The following RYR2 variants were observed in gnomAD, a reference collection of about 807,000 sequenced individuals.
The protein encoded by RYR2 is cardiac muscle ryanodine receptor-calcium release channel.
In RYR2, 227 loss-of-function variants were observed where a neutral mutation model predicts 601.1. The ratio of observed to expected loss-of-function variants is 0.38; its 90% CI spans 0.34 to 0.42. The LOEUF (loss-of-function observed/expected upper bound fraction) is 0.42. Ranked by LOEUF, RYR2 falls within the 10% of genes least tolerant of loss-of-function variation. RYR2 has a pLI of 1.00. For missense variants in RYR2, 4,646 were observed against 6,156.5 expected, an observed-to-expected ratio of 0.75 and a Z score of 8.21; for synonymous variants, 2,223 against 2,175.1, an observed-to-expected ratio of 1.02 and a Z score of -0.61.
At chr1:237,527,270 C>T (rs986234333) in intron 24 of RYR2, among the ~76,000 whole-genome samples, 2 of 152,148 alleles carry the variant, frequency 1.3e-5, no homozygotes, top group Non-Finnish European at 2.9e-5. Flanking sequence ...ATTGCCTTGG[C>T]TATTCGGACT....
chr1:237,269,042 C>CTTTTTTT (rs200563683), intron 1 of RYR2, among the ~76,000 whole-genome samples: 3,260 of 113,068 alleles, frequency 0.029, 492 homozygotes, highest in African/African-American at 0.087. Flanking sequence ...ATAGCATATT[C>CTTTTTTT]TTTTTTTTTT....
chr1:237,410,774 A>G (rs1227666703), intron 10 of RYR2, among the ~76,000 whole-genome samples: 2 of 152,142 alleles, frequency 1.3e-5, no homozygotes, highest in Non-Finnish European at 1.5e-5. Context: ...AGTTCTCGAG[A>G]CAGTGGATCC....
At chr1:237,750,123 G>T (rs1166855174) in intron 80 of RYR2, among the ~76,000 whole-genome samples, 1 of 152,142 alleles carries the variant, frequency 6.6e-6, no homozygotes, top group African/African-American at 2.4e-5. Context: ...TCCAGGCTGG[G>T]CAGCAGAGTG....
rs1681758408 is a variant in RYR2, at chr1:237,643,288, TCA to T, written c.7222-36_7222-35del. On this transcript the variant is annotated intron_variant, in intron 47 of 104. Transcript: ENST00000366574. The stretch of plus-strand genomic sequence containing the variant: ...CCTAGACAGAATTGTAACATTGATG[TCA>T]CAAAGTTGTTCTAATGTTTTTTTTT... 3.1e-6 allele frequency: 5 copies of T among 1,602,004 alleles called. No homozygotes were observed. In the East Asian group the frequency reaches 9.0e-5, roughly 29 times the overall value.
chr1:237,698,720 T>C (rs768460323), intron 63 of RYR2, among the ~76,000 whole-genome samples: 58 of 152,184 alleles, frequency 3.8e-4, no homozygotes, highest in Non-Finnish European at 7.1e-4. Context: ...TCTGGTGCAG[T>C]GCTTTTGAAT....
In RYR2 at chr1:237,548,508, T is replaced by C. The variant is rs1009381849; in HGVS notation, c.2984T>C (p.Met995Thr). Reference sequence around the variant, plus strand: ...AAACTCACCCCATCACAAGAAGCAATGGTGGACAAGTTGGCAGAAAATGCA... The same window carrying C: ...AAACTCACCCCATCACAAGAAGCAACGGTGGACAAGTTGGCAGAAAATGCA... ...FIKLTPSQEAMVDKLAENAHN... is the reference protein window; with the variant it reads ...FIKLTPSQEATVDKLAENAHN... Residue 995 changes from methionine (M) to threonine (T), a missense_variant, in exon 26 of 105, where the codon ATG becomes ACG. Met to Thr is a moderately conservative substitution (Grantham distance 81). This residue lies in a region of RYR2 where 1,807 missense variants were observed against 2,088.1 expected (regional missense o/e 0.87). Coordinates refer to ENST00000366574, the MANE Select transcript of RYR2 (RefSeq NM_001035.3). 9 of 1,613,926 alleles carry C rather than the reference T, an allele frequency of 5.6e-6. No homozygotes were observed. The highest frequency in any genetic ancestry group is 5.0e-5 in the Admixed American group (3 of 59,996).
intron 1 of RYR2, among the ~76,000 whole-genome samples, chr1:237,241,702 A>G (rs1646689120): frequency 6.6e-6 from 1 of 152,146 alleles, no homozygotes; most frequent in African/African-American, 2.4e-5. Flanking sequence ...CAAGGGGTGG[A>G]TTATTCATGA....
In RYR2 at chr1:237,345,193, C is replaced by T. The variant is rs566530975; in HGVS notation, c.274-10772C>T. On this transcript the variant is annotated intron_variant, in intron 3 of 104. Coordinates refer to ENST00000366574, the MANE Select transcript of RYR2 (RefSeq NM_001035.3). ...TGATTATTGTGGGTCTTTTGCCTTC[C>T]CATATAAATTTTAAAATCAGTTTGT... Among the ~76,000 whole-genome samples the T allele has an allele frequency of 1.2e-4, 18 of 152,064 alleles. No individual in the cohort carries two copies. The South Asian group carries it at 3.3e-3, about 28-fold the overall frequency.
rs1247418534 is a variant in RYR2, at chr1:237,708,929, A to C, written c.9973A>C (p.Lys3325Gln). The C allele has an allele frequency of 6.2e-7, 1 of 1,613,186 alleles. No homozygotes were observed. The highest frequency in any genetic ancestry group is 2.2e-5 in the East Asian group (1 of 44,854). The stretch of plus-strand genomic sequence containing the variant: ...AACTCATTTCTTGCCGTTAATGGAG[A>C]AACTCAAGAAAAAGGCAGCTACGGT... The part of the protein sequence containing the change: ...LKTHFLPLME[K>Q]LKKKAATVVS... The change falls in exon 69 of 105, where the codon AAA (lysine) becomes CAA (glutamine). Residue 3325 changes from lysine (K) to glutamine (Q), a missense_variant. Physicochemically the swap from Lys to Gln is moderately conservative, Grantham distance 53. This residue lies in a region of RYR2 where 1,497 missense variants were observed against 1,842.6 expected (regional missense o/e 0.81). Coordinates refer to ENST00000366574, the MANE Select transcript of RYR2 (RefSeq NM_001035.3).
intron 26 of RYR2, among the ~76,000 whole-genome samples, chr1:237,550,179 A>G (rs1670242283): frequency 6.6e-6 from 1 of 152,192 alleles, no homozygotes; most frequent in African/African-American, 2.4e-5. Flanking sequence ...ACCAGCACTA[A>G]TTTGGCTGTT....
chr1:237,406,592 G>A (rs2149973066), intron 10 of RYR2, among the ~76,000 whole-genome samples: 1 of 151,882 alleles, frequency 6.6e-6, no homozygotes, highest in Middle Eastern at 3.4e-3. Flanking sequence ...GTGTTATTTT[G>A]TATATTCTGG....
chr1:237,790,983 C>T (rs1035090628), intron 92 of RYR2, among the ~76,000 whole-genome samples: 2 of 151,940 alleles, frequency 1.3e-5, no homozygotes, highest in South Asian at 4.2e-4. Context: ...CAACATCACT[C>T]CTAACTCAGG....
chr1:237,295,541 T>C (rs1185735280), intron 2 of RYR2, among the ~76,000 whole-genome samples: 1 of 152,200 alleles, frequency 6.6e-6, no homozygotes, highest in Admixed American at 6.5e-5. Flanking sequence ...TATCTGCATT[T>C]CTCTTAATCA....
At position 237,651,474 on chromosome 1, in the gene RYR2, A is replaced by G. The variant is rs762544638; in HGVS notation, c.7797A>G (p.Leu2599=). 6.3e-7 allele frequency: 1 copy of G among 1,586,762 alleles called. No individual in the cohort carries two copies. Among genetic ancestry groups the G allele is most frequent in the Non-Finnish European group, 8.6e-7 (1 of 1,164,732 alleles). Residue 2599 remains leucine, a synonymous_variant, in exon 51 of 105, where the codon TTA becomes TTG. Coordinates refer to ENST00000366574, the MANE Select transcript of RYR2 (RefSeq NM_001035.3). ...GATTAGTATTTGATGTTCCATTATT[A>G]AATGAACACGCAAAGATGCCTCTTA... ...LRRLVFDVPL[L]NEHAKMPLKL...
intron 1 of RYR2, among the ~76,000 whole-genome samples, chr1:237,246,060 G>A (rs141408872): frequency 0.021 from 3,260 of 151,876 alleles, 107 homozygotes; most frequent in African/African-American, 0.074. Context: ...GATTACAGGC[G>A]TGAGCCACCA....
At chr1:237,157,588 C>T (rs1051172269) in intron 1 of RYR2, among the ~76,000 whole-genome samples, 1 of 152,066 alleles carries the variant, frequency 6.6e-6, no homozygotes, top group Admixed American at 6.5e-5. Context: ...TTTGCAGAAA[C>T]ATGGGTGAAA....
intron 1 of RYR2, among the ~76,000 whole-genome samples, chr1:237,142,758 C>T (rs1303573059): frequency 6.6e-6 from 1 of 152,182 alleles, no homozygotes; most frequent in African/African-American, 2.4e-5. Flanking sequence ...CACTTCACTG[C>T]CCATTAACAG....
intron 10 of RYR2, among the ~76,000 whole-genome samples, chr1:237,400,908 A>G (rs1052612217): frequency 6.6e-6 from 1 of 152,232 alleles, no homozygotes; most frequent in Non-Finnish European, 1.5e-5. Context: ...AACTGTTAGA[A>G]GAATCATAGG....
chr1:237,518,138 A>G (rs766015198), intron 24 of RYR2, among the ~76,000 whole-genome samples: 3 of 152,112 alleles, frequency 2.0e-5, no homozygotes, highest in African/African-American at 4.8e-5. Context: ...CAACTCCAAC[A>G]TGATTGCCAC....
Sources: allele counts gnomAD v4.1 joint callset (sites outside exome capture counted in the v4.1 genomes callset), GRCh38; gene constraint gnomAD v4.1.1; regional missense constraint gnomAD v4.1.1; transcripts MANE v1.5; gene names NCBI Gene and HGNC (gene_info 2026-07-23, HGNC 2026-07-21).